Variants in TENM2 observed in about 807,000 individuals in gnomAD.
TENM2 encodes the protein teneurin-2.
In TENM2, 52 loss-of-function variants were observed where a neutral mutation model predicts 245.2. The observed-to-expected ratio is 0.21, with a 90% CI of 0.17 to 0.27. The LOEUF (loss-of-function observed/expected upper bound fraction) is 0.27. Ranked by LOEUF, TENM2 falls within the 10% of genes least tolerant of loss-of-function variation. TENM2 has a pLI of 1.00. For synonymous variants in TENM2, 1,363 were observed against 1,438.9 expected (o/e 0.95, Z 1.19); for missense variants, 3,046 against 3,666.8 (o/e 0.83, Z 4.37).
At chr5:167,254,990 C>T in the TENM2 span, among the ~76,000 whole-genome samples, 2 of 151,552 alleles carry the variant, frequency 1.3e-5, no homozygotes, top group Non-Finnish European at 2.9e-5. Context: ...CCTTATAGGC[C>T]GTGGGAATGA....
chr5:167,655,034 A>G (rs571898816), intron 2 of TENM2, among the ~76,000 whole-genome samples: 1 of 152,332 alleles, frequency 6.6e-6, no homozygotes, highest in Non-Finnish European at 1.5e-5. Flanking sequence ...TTATGTCTTC[A>G]TTATATAAGC....
the TENM2 span, among the ~76,000 whole-genome samples, chr5:167,236,865 G>A: frequency 0.035 from 5,213 of 150,090 alleles, 297 homozygotes; most frequent in African/African-American, 0.12. Context: ...CACTCAGCCT[G>A]TCTCTACTTC....
chr5:168,152,387 G>A (rs1164857178), intron 12 of TENM2, among the ~76,000 whole-genome samples: 1 of 152,046 alleles, frequency 6.6e-6, no homozygotes, highest in Non-Finnish European at 1.5e-5. Flanking sequence ...CAACAAAATG[G>A]CAATTTATGG....
chr5:167,492,268 T>TATC (rs1317423696), intron 2 of TENM2, among the ~76,000 whole-genome samples: 1 of 152,100 alleles, frequency 6.6e-6, no homozygotes, highest in East Asian at 1.9e-4. Flanking sequence ...AGAGAGATAT[T>TATC]ATCATTCTCA....
At chr5:167,094,838 A>C in the TENM2 span, among the ~76,000 whole-genome samples, 1 of 152,164 alleles carries the variant, frequency 6.6e-6, no homozygotes, top group African/African-American at 2.4e-5. Context: ...TTCTCTGCAA[A>C]ATGAATTTTT....
chr5:168,104,549 C>T lies in TENM2; in HGVS notation c.1813+6422C>T, dbSNP rs796781642. ...GAGACTCCCATCACATCCAAGCGACCGGGTATGTGTCCAAGTGACAGAAAT... is the reference window on the plus strand; with the variant it reads ...GAGACTCCCATCACATCCAAGCGACTGGGTATGTGTCCAAGTGACAGAAAT... On this transcript the variant is annotated intron_variant, in intron 9 of 28. Transcript: ENST00000518659. Among the ~76,000 whole-genome samples, 4 of 152,280 alleles carry T rather than the reference C, an allele frequency of 2.6e-5. No homozygotes were observed. The South Asian group carries it at 6.2e-4, about 24-fold the overall frequency.
chr5:167,265,583 C>T, the TENM2 span, among the ~76,000 whole-genome samples: 2 of 151,908 alleles, frequency 1.3e-5, no homozygotes, highest in African/African-American at 4.8e-5. Context: ...TCTGTGAACC[C>T]GAGTGCAGGA....
Position 167,392,790 on chromosome 5 carries a change from T to C in TENM2, c.502+17317T>C, listed in dbSNP as rs1049970142. Among the ~76,000 whole-genome samples the C allele has an allele frequency of 2.0e-5, 3 of 152,326 alleles. No homozygotes were observed. The East Asian group carries it at 5.8e-4, about 29-fold the overall frequency. On this transcript the variant is annotated intron_variant, in intron 2 of 28. Coordinates refer to ENST00000518659, the Ensembl canonical transcript of TENM2. ...GGCAATAACATTTAACTACAAACTT[T>C]TATTGTACTCAGAATATTTATTTAG...
At chr5:168,241,144 G>C (rs909603574) in intron 25 of TENM2, 8 of 152,188 alleles carry the variant, frequency 5.3e-5, no homozygotes, top group African/African-American at 1.9e-4. Flanking sequence ...CCCAGTTGCT[G>C]GAAGTTGTTG....
chr5:167,167,436 A>G, the TENM2 span, among the ~76,000 whole-genome samples: 2 of 152,170 alleles, frequency 1.3e-5, no homozygotes, highest in Non-Finnish European at 2.9e-5. Flanking sequence ...CTCCCCTGTC[A>G]TAAACTCAGC....
chr5:167,119,657 C>T, the TENM2 span: 2 of 152,156 alleles, frequency 1.3e-5, no homozygotes, highest in African/African-American at 4.8e-5. Context: ...GGGAGGTGAC[C>T]TCATGACCCA....
intron 12 of TENM2, among the ~76,000 whole-genome samples, chr5:168,146,778 G>T (rs1756123050): frequency 6.6e-6 from 1 of 152,196 alleles, no homozygotes; most frequent in African/African-American, 2.4e-5. Context: ...ATGTGTGAAA[G>T]GCTTATCTGT....
At chr5:167,047,751 A>G in the TENM2 span, among the ~76,000 whole-genome samples, 1 of 152,158 alleles carries the variant, frequency 6.6e-6, no homozygotes, top group Non-Finnish European at 1.5e-5. Flanking sequence ...GGTGACTGTT[A>G]TCATAGTAAG....
intron 2 of TENM2, among the ~76,000 whole-genome samples, chr5:167,717,104 A>G (rs547220339): frequency 4.6e-5 from 7 of 151,848 alleles, no homozygotes; most frequent in Admixed American, 3.9e-4. Context: ...ACAGGCACAC[A>G]CTACCACACC....
chr5:167,454,985 G>T (rs1047812992), intron 2 of TENM2, among the ~76,000 whole-genome samples: 1 of 152,166 alleles, frequency 6.6e-6, no homozygotes, highest in East Asian at 1.9e-4. Context: ...AGTAGTGAAA[G>T]AATGCATATC....
the TENM2 span, among the ~76,000 whole-genome samples, chr5:167,106,530 A>T: frequency 6.6e-6 from 1 of 152,270 alleles, no homozygotes; most frequent in Non-Finnish European, 1.5e-5. Context: ...AGTTTCTGAT[A>T]GACTAAGGAA....
rs6878169 is a variant in TENM2 at position 167,578,396 on chromosome 5, C to T, written c.502+202923C>T. ...AGTAAGGTTGAGAAACGCTGGGGAA[C>T]GGAGACTGGCTACGAGAAACACCTT... is the stretch of plus-strand genomic sequence containing the variant. On this transcript the variant is annotated intron_variant, in intron 2 of 28. Coordinates refer to ENST00000518659, the Ensembl canonical transcript of TENM2. 8.5e-3 allele frequency among the ~76,000 whole-genome samples: 1,288 copies of T among 152,252 alleles called. 18 individuals carry two copies. The highest frequency in any genetic ancestry group is 0.029 in the African/African-American group (1,225 of 41,556).
At chr5:167,873,809 T>C (rs1475518364) in intron 2 of TENM2, among the ~76,000 whole-genome samples, 1 of 152,188 alleles carries the variant, frequency 6.6e-6, no homozygotes, top group Non-Finnish European at 1.5e-5. Flanking sequence ...AGTCATGCCT[T>C]ATATGAATCC....
chr5:167,914,612 C>T (rs1192737639), intron 3 of TENM2, among the ~76,000 whole-genome samples: 3 of 152,154 alleles, frequency 2.0e-5, no homozygotes, highest in Non-Finnish European at 4.4e-5. Context: ...TGCAAATTAC[C>T]ACTGAATGGG....
Sources: allele counts gnomAD v4.1 joint callset (sites outside exome capture counted in the v4.1 genomes callset), GRCh38; gene constraint gnomAD v4.1.1; transcripts MANE v1.5; gene names NCBI Gene and HGNC (gene_info 2026-07-23, HGNC 2026-07-21).